Variants in LRCH3 observed in about 807,000 individuals in gnomAD.
The protein encoded by LRCH3 is leucine rich repeats and calponin homology domain containing 3, also known as DISP complex protein LRCH3.
In LRCH3, 68 loss-of-function variants were observed where a neutral mutation model predicts 104.5. The observed-to-expected ratio is 0.65, with a 90% confidence interval of 0.54 to 0.80. The LOEUF is 0.80. Ranked by LOEUF, LRCH3 falls within the 30% of genes least tolerant of loss-of-function variation. The probability of loss-of-function intolerance (pLI) is 0.00; values close to 1 mark genes in which losing one functional copy is unlikely to be tolerated. For missense variants in LRCH3, 951 were observed against 953.9 expected, an observed-to-expected ratio of 1.00 and a Z score of 0.04; for synonymous variants, 344 against 361.3, an observed-to-expected ratio of 0.95 and a Z score of 0.54.
intron 13 of LRCH3, among the ~76,000 whole-genome samples, chr3:197,853,204 T>C (rs920160818): frequency 4.6e-5 from 7 of 152,126 alleles, no homozygotes; most frequent in African/African-American, 1.2e-4. Flanking sequence ...TTTTCTTTTT[T>C]TTTGAGACAG....
chr3:197,797,327 C>CAAAAAAA (rs3085302), intron 1 of LRCH3, among the ~76,000 whole-genome samples: 2 of 71,532 alleles, frequency 2.8e-5, no homozygotes, highest in Non-Finnish European at 4.8e-5. Flanking sequence ...AACTCCATCT[C>CAAAAAAA]AAAAAAAAAA....
intron 15 of LRCH3, among the ~76,000 whole-genome samples, chr3:197,860,071 G>T (rs1290206984): frequency 6.6e-6 from 1 of 152,116 alleles, no homozygotes; most frequent in East Asian, 1.9e-4. Flanking sequence ...TCTTCTATGT[G>T]TTGAGACAGG....
intron 17 of LRCH3, among the ~76,000 whole-genome samples, chr3:197,869,834 T>C (rs1184525525): frequency 4.2e-5 from 6 of 144,150 alleles, no homozygotes; most frequent in Admixed American, 6.8e-5. Flanking sequence ...GCACTGTACC[T>C]GCAGGAGGTA....
chr3:197,857,368 G>A (rs943213811), intron 14 of LRCH3, among the ~76,000 whole-genome samples: 3 of 145,198 alleles, frequency 2.1e-5, no homozygotes, highest in Admixed American at 6.9e-5. Context: ...TTGTCTTCGG[G>A]CTACCCCTCA....
chr3:197,805,449 T>A (rs1174162697), intron 1 of LRCH3, among the ~76,000 whole-genome samples: 1 of 152,178 alleles, frequency 6.6e-6, no homozygotes, highest in Non-Finnish European at 1.5e-5. Context: ...GGGACACGCC[T>A]CCAAACTGAA....
chr3:197,818,133 A>G (rs1442738833), intron 3 of LRCH3, among the ~76,000 whole-genome samples: 2 of 151,922 alleles, frequency 1.3e-5, no homozygotes, highest in African/African-American at 4.8e-5. Flanking sequence ...GTTGCCCTGT[A>G]TTTTCTAAGA....
chr3:197,876,806 A>G (rs111878022), intron 20 of LRCH3, among the ~76,000 whole-genome samples: 5,908 of 131,454 alleles, frequency 0.045, 363 homozygotes, highest in African/African-American at 0.061. Flanking sequence ...AGCTTCCATG[A>G]CAGTGATTCT....
At chr3:197,825,092 A>C (rs1438968493) in intron 4 of LRCH3, among the ~76,000 whole-genome samples, 3 of 152,318 alleles carry the variant, frequency 2.0e-5, no homozygotes, top group East Asian at 1.9e-4. Flanking sequence ...ATTTTCTTTC[A>C]AGACTTTTAA....
intron 17 of LRCH3, among the ~76,000 whole-genome samples, chr3:197,868,105 T>G (rs1711564819): frequency 6.6e-6 from 1 of 152,162 alleles, no homozygotes; most frequent in African/African-American, 2.4e-5. Flanking sequence ...AAACTACAGA[T>G]GCACTGCTGG....
At chr3:197,841,869 A>G (rs1195190778) in intron 10 of LRCH3, among the ~76,000 whole-genome samples, 4 of 147,724 alleles carry the variant, frequency 2.7e-5, no homozygotes, top group Middle Eastern at 3.2e-3. Flanking sequence ...GTCTTGCTCT[A>G]TTGCCTTAGG....
At chr3:197,844,144 T>G (rs967830209) in intron 10 of LRCH3, among the ~76,000 whole-genome samples, 3 of 152,176 alleles carry the variant, frequency 2.0e-5, no homozygotes, top group Non-Finnish European at 4.4e-5. Context: ...TTTTGGTGTA[T>G]TCAAGAAACA....
In LRCH3 at chr3:197,830,848, A is replaced by G. The variant is rs1261480599; in HGVS notation, c.966A>G (p.Arg322=). The G allele has an allele frequency of 6.2e-7, 1 of 1,613,672 alleles. No individual in the cohort carries two copies. Among genetic ancestry groups the G allele is most frequent in the Non-Finnish European group, 8.5e-7 (1 of 1,179,628 alleles). The change falls in exon 7 of 21, where the codon AGA becomes AGG. Residue 322 remains arginine, a synonymous_variant. Coordinates refer to ENST00000425562, the MANE Select transcript of LRCH3 (RefSeq NM_001365715.1). ...GFNSVDSGDK[R]WSGNEPTDEF... is the part of the protein sequence containing the mutation. Reference sequence around the variant, plus strand: ...ATAGTGTGGACAGTGGTGATAAGAGATGGTCAGGGAATGAAGTAAGTGTTT... The same window carrying G: ...ATAGTGTGGACAGTGGTGATAAGAGGTGGTCAGGGAATGAAGTAAGTGTTT...
At chr3:197,813,838 T>C (rs1733510233) in intron 1 of LRCH3, among the ~76,000 whole-genome samples, 1 of 152,268 alleles carries the variant, frequency 6.6e-6, no homozygotes, top group African/African-American at 2.4e-5. Context: ...GCCTGAGGCA[T>C]GTAATTTCTG....
intron 7 of LRCH3, chr3:197,831,074 T>C (rs1165654715): frequency 2.2e-6 from 1 of 445,126 alleles, no homozygotes; most frequent in East Asian, 4.1e-5. Context: ...TGTTTCCTCA[T>C]TGCCTCATGG....
chr3:197,840,970 T>C (rs1217693818), intron 10 of LRCH3, among the ~76,000 whole-genome samples: 1 of 152,154 alleles, frequency 6.6e-6, no homozygotes, highest in Admixed American at 6.5e-5. Flanking sequence ...TAGGTGAAGC[T>C]CAAGAGCTCC....
intron 14 of LRCH3, among the ~76,000 whole-genome samples, chr3:197,857,596 G>A (rs542437939): frequency 1.3e-5 from 2 of 152,250 alleles, no homozygotes; most frequent in South Asian, 2.1e-4. Flanking sequence ...TGTTGCTTTC[G>A]TCTATATCAG....
At chr3:197,837,642 C>T (rs148967083) in intron 9 of LRCH3, among the ~76,000 whole-genome samples, 31 of 152,118 alleles carry the variant, frequency 2.0e-4, no homozygotes, top group East Asian at 1.5e-3. Flanking sequence ...ATAGACCATT[C>T]CTGTCTGAAC....
Position 197,858,912 on chromosome 3 carries a change from C to A in LRCH3, c.1716+7C>A, listed in dbSNP as rs527905149. On this transcript the variant is annotated splice_region_variant and intron_variant, in intron 15 of 20. Coordinates refer to ENST00000425562, the MANE Select transcript of LRCH3 (RefSeq NM_001365715.1). Reference sequence around the variant, plus strand: ...TGCCTTCACGCCTCTTAAGGTATCTCTTGTTATTGTAATTCACCAGGAAGT... The same window carrying A: ...TGCCTTCACGCCTCTTAAGGTATCTATTGTTATTGTAATTCACCAGGAAGT... The A allele has an allele frequency of 9.3e-6, 15 of 1,611,160 alleles. No homozygotes were observed. In the South Asian group the frequency reaches 1.1e-4, roughly 12 times the overall value.
At chr3:197,841,635 G>C (rs1737812363) in intron 10 of LRCH3, among the ~76,000 whole-genome samples, 1 of 152,118 alleles carries the variant, frequency 6.6e-6, no homozygotes. Flanking sequence ...TCTTAGTCCA[G>C]AGTTCCTGTT....
Sources: gnomAD v4.1 joint callset for allele counts (sites outside exome capture counted in the v4.1 genomes callset) on GRCh38, gnomAD v4.1.1 for gene constraint, MANE v1.5 for transcripts, NCBI Gene and HGNC (gene_info 2026-07-23, HGNC 2026-07-21) for gene names.